Variants in THAP8 observed in about 807,000 individuals in gnomAD.
The protein encoded by THAP8 is THAP domain containing 8, also known as THAP domain-containing protein 8.
Under a neutral mutation model 25.0 loss-of-function variants are expected in THAP8, and 24 were observed. That is an observed-to-expected ratio of 0.96 (90% CI 0.69 to 1.35). THAP8 has a LOEUF of 1.35. THAP8 is among the 40% of genes most tolerant of loss of function. THAP8 has a pLI of 0.00. For missense variants in THAP8, 399 were observed against 368.8 expected, an observed-to-expected ratio of 1.08 and a Z score of -0.67; for synonymous variants, 169 against 157.6, an observed-to-expected ratio of 1.07 and a Z score of -0.54.
At chr19:36,050,346 G>A (rs542530488) in intron 1 of THAP8, among the ~76,000 whole-genome samples, 3 of 152,134 alleles carry the variant, frequency 2.0e-5, no homozygotes, top group East Asian at 3.9e-4. Context: ...GTTTTGCCAC[G>A]TTGCCCAGGC....
At chr19:36,043,642 G>A (rs1216626370) in intron 1 of THAP8, among the ~76,000 whole-genome samples, 5 of 152,078 alleles carry the variant, frequency 3.3e-5, no homozygotes, top group South Asian at 2.1e-4. Flanking sequence ...CGAGGTGGGC[G>A]GATCACTTGC....
intron 1 of THAP8, among the ~76,000 whole-genome samples, chr19:36,046,752 A>G (rs1969893990): frequency 6.6e-6 from 1 of 152,232 alleles, no homozygotes. Flanking sequence ...GACTACTCGT[A>G]TCTACTCTCT....
intron 3 of THAP8, among the ~76,000 whole-genome samples, chr19:36,036,285 T>TC (rs1456222676): frequency 6.7e-6 from 1 of 150,072 alleles, no homozygotes; most frequent in African/African-American, 2.5e-5. Flanking sequence ...TTTTTTTTTT[T>TC]TTTTTTTTGA....
At chr19:36,043,008 A>C (rs1969751216) in intron 1 of THAP8, among the ~76,000 whole-genome samples, 1 of 149,492 alleles carries the variant, frequency 6.7e-6, no homozygotes. Flanking sequence ...GGCTCACTGC[A>C]ACCTCCGCCC....
intron 1 of THAP8, among the ~76,000 whole-genome samples, chr19:36,041,770 C>G (rs560418999): frequency 6.6e-6 from 1 of 152,224 alleles, no homozygotes; most frequent in Admixed American, 6.5e-5. Context: ...AACACCAGAA[C>G]AGCTACTATT....
intron 1 of THAP8, among the ~76,000 whole-genome samples, chr19:36,049,685 A>T (rs549056699): frequency 3.3e-5 from 5 of 150,754 alleles, no homozygotes; most frequent in Non-Finnish European, 7.4e-5. Flanking sequence ...CTTATTATAC[A>T]TACAAAGCAC....
chr19:36,047,825 C>CAA (rs111270538), intron 1 of THAP8, among the ~76,000 whole-genome samples: 2 of 106,548 alleles, frequency 1.9e-5, no homozygotes, highest in Non-Finnish European at 4.0e-5. Context: ...ATGAGACTTT[C>CAA]AAAAAAAAAA....
At chr19:36,042,234 G>A (rs1169417260) in intron 1 of THAP8, among the ~76,000 whole-genome samples, 1 of 152,180 alleles carries the variant, frequency 6.6e-6, no homozygotes, top group African/African-American at 2.4e-5. Context: ...CTCAAACACT[G>A]AAAAATAGAA....
chr19:36,048,308 A>G (rs145720792), intron 1 of THAP8, among the ~76,000 whole-genome samples: 461 of 152,178 alleles, frequency 3.0e-3, no homozygotes, highest in African/African-American at 9.8e-3. Context: ...GGGAGGCTAA[A>G]GCAGGAGGAC....
At chr19:36,037,645 T>C (rs936935027) in intron 3 of THAP8, among the ~76,000 whole-genome samples, 1 of 152,124 alleles carries the variant, frequency 6.6e-6, no homozygotes. Flanking sequence ...AGGTTTTTTT[T>C]GTTTGTTTTT....
rs750278705 is a variant in THAP8, at chr19:36,035,560, G to A, written c.705C>T (p.Ser235=). 4 of 1,614,100 alleles carry A rather than the reference G, an allele frequency of 2.5e-6. No individual in the cohort carries two copies. Among genetic ancestry groups the A allele is most frequent in the Non-Finnish European group, 2.5e-6 (3 of 1,180,014 alleles). The part of the protein sequence containing the change: ...TTAQTLGPEE[S]QTFTIICGGP... ...CTCCACAGATGATGGTGAAGGTTTG[G>A]GATTCCTCAGGTCCAAGGGTCTGGG... is the stretch of plus-strand genomic sequence containing the variant. Residue 235 remains serine (S), a synonymous_variant, in exon 4 of 4, where the codon TCC becomes TCT. Transcript: ENST00000292894.
At chr19:36,037,671 C>T (rs888419163) in intron 3 of THAP8, among the ~76,000 whole-genome samples, 3 of 151,994 alleles carry the variant, frequency 2.0e-5, no homozygotes, top group Admixed American at 6.6e-5. Flanking sequence ...TGGAGTGTTG[C>T]TCTTGTCGCC....
chr19:36,041,447 A>G (rs1167530944), intron 1 of THAP8, among the ~76,000 whole-genome samples: 1 of 152,198 alleles, frequency 6.6e-6, no homozygotes, highest in East Asian at 1.9e-4. Flanking sequence ...TTACTTTAAA[A>G]TAGTGCAGGA....
At chr19:36,053,862 T>C (rs1001289879) in intron 1 of THAP8, among the ~76,000 whole-genome samples, 2 of 152,248 alleles carry the variant, frequency 1.3e-5, no homozygotes, top group African/African-American at 2.4e-5. Flanking sequence ...CTGCAGGCTC[T>C]CTAACAGCCT....
At chr19:36,051,442 T>C (rs1021047238) in intron 1 of THAP8, among the ~76,000 whole-genome samples, 3 of 151,838 alleles carry the variant, frequency 2.0e-5, no homozygotes, top group Non-Finnish European at 4.4e-5. Flanking sequence ...GACTCAGGTG[T>C]TCACAGGCTC....
At chr19:36,043,473 C>T (rs1969772128) in intron 1 of THAP8, among the ~76,000 whole-genome samples, 1 of 152,092 alleles carries the variant, frequency 6.6e-6, no homozygotes, top group South Asian at 2.1e-4. Context: ...ATTGGTTATA[C>T]AACACTTAAC....
At chr19:36,054,346 T>A, upstream of THAP8, 1 of 1,146,560 alleles carries the variant, frequency 8.7e-7, no homozygotes, top group Non-Finnish European at 1.3e-6. Flanking sequence ...TCTCGTCACG[T>A]ACCGGGGAGA....
rs552921193 is a variant in THAP8, at chr19:36,040,086, C to T, written c.134G>A (p.Gly45Asp). 7 of 1,613,068 alleles carry T rather than the reference C, an allele frequency of 4.3e-6. No homozygotes were observed. In the East Asian group the frequency reaches 1.1e-4, roughly 26 times the overall value. Residue 45 changes from glycine to aspartate, a missense_variant, in exon 2 of 4, where the codon GGC (glycine) becomes GAC (aspartate). Transcript: ENST00000292894. ...PRLQAWLQHMGCEHWVPSCHQ... is the reference protein window; with the variant it reads ...PRLQAWLQHMDCEHWVPSCHQ... Reference sequence around the variant, plus strand: ...GCAGCTGGGCACCCAGTGCTCACAGCCCATGTGCTGCAGCCAGGCCTGCAG... The same window carrying T: ...GCAGCTGGGCACCCAGTGCTCACAGTCCATGTGCTGCAGCCAGGCCTGCAG...
At chr19:36,050,922 A>G (rs1568556109) in intron 1 of THAP8, among the ~76,000 whole-genome samples, 1 of 152,182 alleles carries the variant, frequency 6.6e-6, no homozygotes, top group Non-Finnish European at 1.5e-5. Flanking sequence ...CTTTACTAAG[A>G]ACCTACTATG....
Sources: gnomAD v4.1 joint callset for allele counts (sites outside exome capture counted in the v4.1 genomes callset) on GRCh38, gnomAD v4.1.1 for gene constraint, MANE v1.5 for transcripts, NCBI Gene and HGNC (gene_info 2026-07-23, HGNC 2026-07-21) for gene names.